RUNX1T1: variants seen among roughly 807,000 people sequenced by gnomAD.
The protein encoded by RUNX1T1 is protein CBFA2T1.
Under a neutral mutation model 62.8 loss-of-function variants are expected in RUNX1T1, and 4 were observed. That is an observed-to-expected ratio of 0.06 (90% CI 0.03 to 0.15). The LOEUF (loss-of-function observed/expected upper bound fraction) is 0.15, where lower values mean the gene tolerates loss of function less well. Ranked by LOEUF, RUNX1T1 falls within the 10% of genes least tolerant of loss-of-function variation. RUNX1T1 has a pLI of 1.00. For missense variants in RUNX1T1, 508 were observed against 754.3 expected (o/e 0.67, Z 3.82); for synonymous variants, 291 against 286.0 (o/e 1.02, Z -0.18).
At chr8:92,091,134 G>A (rs930731787) in intron 1 of RUNX1T1, among the ~76,000 whole-genome samples, 1 of 152,102 alleles carries the variant, frequency 6.6e-6, no homozygotes. Context: ...GAGACACAAC[G>A]GGAAAACTTC....
chr8:92,053,229 T>G (rs997418449), intron 1 of RUNX1T1, among the ~76,000 whole-genome samples: 8 of 152,168 alleles, frequency 5.3e-5, no homozygotes, highest in African/African-American at 1.2e-4. Flanking sequence ...TATCAAATTG[T>G]TACTTACCTA....
chr8:91,960,246 C>A (rs577506995), exon 11 of RUNX1T1: 1 of 1,607,720 alleles, frequency 6.2e-7, no homozygotes, highest in Admixed American at 1.7e-5. Context: ...TCACGTCTAG[C>A]GAGGGGTTGT....
Position 92,075,996 on chromosome 8 carries a change from G to T in RUNX1T1, c.57C>A (p.Cys19Ter). The T allele has an allele frequency of 6.2e-7, 1 of 1,608,380 alleles. No individual in the cohort carries two copies. The highest frequency in any genetic ancestry group is 1.3e-5 in the African/African-American group (1 of 74,434). The change falls in exon 2 of 12, where the codon TGC becomes TGA. Residue 19 changes from cysteine (C) to a stop codon, truncating the protein, a stop_gained. Transcript: ENST00000265814. LOFTEE classifies it high-confidence loss of function. Reference sequence around the variant, plus strand: ...AATATTCAAAGTTCCCTTTTTTCCGGCAGTCACCTATTACTAAACTCAGTG... The same window carrying T: ...AATATTCAAAGTTCCCTTTTTTCCGTCAGTCACCTATTACTAAACTCAGTG...
At chr8:92,100,715 A>C (rs757765795), upstream of RUNX1T1, among the ~76,000 whole-genome samples, 1 of 152,216 alleles carries the variant, frequency 6.6e-6, no homozygotes, top group Non-Finnish European at 1.5e-5. Flanking sequence ...AAAAAAACGA[A>C]AATGAAATCA....
chr8:91,966,201 A>C (rs1296606215), intron 10 of RUNX1T1, among the ~76,000 whole-genome samples: 4 of 150,894 alleles, frequency 2.7e-5, no homozygotes, highest in Non-Finnish European at 5.9e-5. Flanking sequence ...ATCATAGCTC[A>C]TGCTCTGAGA....
intron 6 of RUNX1T1, among the ~76,000 whole-genome samples, 154 bp from the exon 8 acceptor site, chr8:91,987,126 C>G (rs553218612): frequency 2.6e-5 from 4 of 152,248 alleles, no homozygotes; most frequent in South Asian, 2.1e-4. Context: ...TCAGAATTAC[C>G]TAACAGATTC....
intron 1 of RUNX1T1, among the ~76,000 whole-genome samples, chr8:92,042,253 T>C (rs1041172011): frequency 3.3e-5 from 5 of 152,214 alleles, no homozygotes; most frequent in African/African-American, 1.2e-4. Flanking sequence ...GAGCATGAGT[T>C]TGAGATCACT....
chr8:92,005,258 C>A (rs766588136), exon 5 of RUNX1T1: 3 of 1,613,232 alleles, frequency 1.9e-6, no homozygotes, highest in East Asian at 2.2e-5. Flanking sequence ...GCCAGTCTTG[C>A]GCAGTGGAGG....
At chr8:92,085,464 AATGAT>A (rs1239554681) in intron 1 of RUNX1T1, among the ~76,000 whole-genome samples, 1 of 152,250 alleles carries the variant, frequency 6.6e-6, no homozygotes, top group African/African-American at 2.4e-5. Context: ...TTGCTCATTT[AATGAT>A]ATATCTCAGG....
intron 5 of RUNX1T1, among the ~76,000 whole-genome samples, chr8:91,996,356 C>A (rs1362377864): frequency 6.6e-6 from 1 of 152,140 alleles, no homozygotes; most frequent in Non-Finnish European, 1.5e-5. Flanking sequence ...CGCCCGCCAC[C>A]ACGCCTGGCT....
Position 91,959,780 on chromosome 8 carries a change from T to G in RUNX1T1, c.*462A>C, listed in dbSNP as rs376022228. 121 of 253,832 alleles carry G rather than the reference T, an allele frequency of 4.8e-4. 1 individual carries two copies. The South Asian group carries it at 0.013, about 28-fold the overall frequency. The allele number at this position is 253,832 out of a possible 1,614,324, so 15.7% of individuals were successfully genotyped here. A position where few individuals can be genotyped will look rare whatever the true frequency, so the allele number is the denominator to read the frequency against. On this transcript the variant is annotated 3_prime_UTR_variant, in exon 11 of 11. Transcript: ENST00000396218. ...ACTGCTGTATCCAATGCTCATGCCC[T>G]TGAGGGTTTTCCTCTTTTTTTTTTT...
intron 10 of RUNX1T1, among the ~76,000 whole-genome samples, chr8:91,967,388 C>G (rs1046947456): frequency 2.0e-5 from 3 of 151,998 alleles, no homozygotes; most frequent in Non-Finnish European, 4.4e-5. Flanking sequence ...CTCCCCCGCC[C>G]ACCTACAAAT....
chr8:92,102,135 G>C (rs1838064978), upstream of RUNX1T1, among the ~76,000 whole-genome samples: 2 of 152,160 alleles, frequency 1.3e-5, no homozygotes, highest in South Asian at 4.1e-4. The surrounding 1 kb of genome is among the most constrained non-coding windows in gnomAD (Gnocchi z 4.5). Context: ...CAGAGGTCGG[G>C]CGGGGACGAC....
chr8:92,055,494 T>C (rs1303424326), intron 1 of RUNX1T1, among the ~76,000 whole-genome samples: 1 of 152,016 alleles, frequency 6.6e-6, no homozygotes, highest in Non-Finnish European at 1.5e-5. Context: ...CAGGCTGGAG[T>C]GTCATGGGGC....
At chr8:92,009,014 C>T (rs532068579) in intron 4 of RUNX1T1, among the ~76,000 whole-genome samples, 1 of 152,292 alleles carries the variant, frequency 6.6e-6, no homozygotes, top group South Asian at 2.1e-4. Flanking sequence ...ATGTTTAATA[C>T]ATTCATTGCC....
At chr8:92,068,505 G>A (rs968988124) in intron 2 of RUNX1T1, among the ~76,000 whole-genome samples, 3 of 152,076 alleles carry the variant, frequency 2.0e-5, no homozygotes, top group Non-Finnish European at 2.9e-5. Flanking sequence ...AGGCAAAATC[G>A]GAGGGCTCGA....
rs1834838625 is a variant in RUNX1T1, at chr8:92,078,982, A to G, written c.-85-2845T>C. 2.0e-5 allele frequency among the ~76,000 whole-genome samples: 3 copies of G among 152,212 alleles called. No homozygotes were observed. In the South Asian group the frequency reaches 6.2e-4, roughly 32 times the overall value. On this transcript the variant is annotated intron_variant, in intron 1 of 11. Transcript: ENST00000265814. ...ATCTTTCAAAAATTTAATAGGATGT[A>G]AAGACTACACACATCAGAATCAACC...
chr8:92,058,186 G>A (rs1394759367), intron 1 of RUNX1T1, among the ~76,000 whole-genome samples: 1 of 152,008 alleles, frequency 6.6e-6, no homozygotes, highest in African/African-American at 2.4e-5. Context: ...GGGCATGGAG[G>A]GACTGAATCA....
chr8:92,038,906 T>C (rs1827905170), intron 1 of RUNX1T1, among the ~76,000 whole-genome samples: 1 of 151,918 alleles, frequency 6.6e-6, no homozygotes, highest in African/African-American at 2.4e-5. Flanking sequence ...CCCTAACCAC[T>C]CCTTCTCAAA....
Sources: allele counts gnomAD v4.1 joint callset (sites outside exome capture counted in the v4.1 genomes callset), GRCh38; gene constraint gnomAD v4.1.1; non-coding constraint Gnocchi (gnomAD v3.1); transcripts MANE v1.5; gene names NCBI Gene and HGNC (gene_info 2026-07-23, HGNC 2026-07-21).